The following NRIP3 variants were observed in gnomAD, a reference collection of about 807,000 sequenced individuals.
NRIP3 encodes nuclear receptor interacting protein 3.
NRIP3 carries 31 observed loss-of-function variants against 29.0 expected under a neutral mutation model. The ratio of observed to expected loss-of-function variants is 1.07; its 90% CI spans 0.80 to 1.44. The LOEUF is 1.44. Ranked by LOEUF, NRIP3 falls within the 40% of genes most tolerant of loss-of-function variation. The probability of loss-of-function intolerance (pLI) is 0.00; values close to 1 mark genes in which losing one functional copy is unlikely to be tolerated. For synonymous variants in NRIP3, 131 were observed against 118.3 expected (o/e 1.11, Z -0.70); for missense variants, 314 against 297.9 (o/e 1.05, Z -0.40).
At chr11:8,986,785 G>A (rs558095018) in intron 3 of NRIP3, among the ~76,000 whole-genome samples, 1 of 152,318 alleles carries the variant, frequency 6.6e-6, no homozygotes, top group Admixed American at 6.5e-5. Flanking sequence ...TTGGGAGGCT[G>A]AAGCGGGCAG....
intron 1 of NRIP3, among the ~76,000 whole-genome samples, chr11:8,997,404 A>G (rs950145984): frequency 1.3e-5 from 2 of 151,894 alleles, no homozygotes; most frequent in African/African-American, 4.8e-5. Context: ...ACACAGTACT[A>G]ATTTGCTAGA....
At chr11:8,990,853 ATC>A (rs1854587110) in intron 1 of NRIP3, among the ~76,000 whole-genome samples, 1 of 152,054 alleles carries the variant, frequency 6.6e-6, no homozygotes, top group African/African-American at 2.4e-5. Flanking sequence ...AACCTCCCCA[ATC>A]TCTCAAGCCC....
chr11:8,992,925 A>T (rs1393041682), intron 1 of NRIP3, among the ~76,000 whole-genome samples: 1 of 152,052 alleles, frequency 6.6e-6, no homozygotes, highest in Non-Finnish European at 1.5e-5. Flanking sequence ...AAAAAAAAAA[A>T]TTTGATAGTA....
chr11:8,995,669 A>G (rs750015959), intron 1 of NRIP3, among the ~76,000 whole-genome samples: 4 of 152,222 alleles, frequency 2.6e-5, no homozygotes, highest in Non-Finnish European at 5.9e-5. Context: ...CTTTGCATGG[A>G]AACCAGAGTA....
intron 3 of NRIP3, among the ~76,000 whole-genome samples, chr11:8,986,720 A>G (rs569763239): frequency 6.6e-6 from 1 of 152,284 alleles, no homozygotes; most frequent in African/African-American, 2.4e-5. Context: ...TCATATTTTT[A>G]CCACACAAAA....
rs1291300543 is a variant in NRIP3, at chr11:9,003,921, C to A, written c.15G>T (p.Gly5=). Residue 5 remains glycine, a synonymous_variant, in exon 1 of 7, where the codon GGG becomes GGT. Transcript: ENST00000309166. ...CCTTGCGGCCGCCCTCAGTGAGGAG[C>A]CCTGAGTAAAACATCGCTGAGGCGC... MFYS[G]LLTEGGRKET... is the part of the protein sequence containing the mutation. 2.0e-6 allele frequency: 3 copies of A among 1,508,204 alleles called. No homozygotes were observed. Among genetic ancestry groups the A allele is most frequent in the East Asian group, 2.9e-5 (1 of 35,038 alleles). 93.4% of individuals were successfully genotyped at this position (1,508,204 alleles called of 1,614,324 possible).
At chr11:8,999,453 T>C (rs1409626120) in intron 1 of NRIP3, among the ~76,000 whole-genome samples, 1 of 152,232 alleles carries the variant, frequency 6.6e-6, no homozygotes, top group African/African-American at 2.4e-5. Context: ...GAGTAGTCTT[T>C]TTGTAAAATA....
At chr11:8,999,873 C>G (rs534713417) in intron 1 of NRIP3, among the ~76,000 whole-genome samples, 4 of 152,334 alleles carry the variant, frequency 2.6e-5, no homozygotes, top group African/African-American at 9.6e-5. Flanking sequence ...GACTCCACCC[C>G]ACCCCAGTCA....
chr11:9,000,941 C>T (rs1854783000), intron 1 of NRIP3, among the ~76,000 whole-genome samples: 1 of 152,004 alleles, frequency 6.6e-6, no homozygotes, highest in Non-Finnish European at 1.5e-5. Context: ...TTGTGGTGTG[C>T]ACCTGTAATC....
rs1854421811 is a variant in NRIP3, at chr11:8,981,881, C to A, written c.*1664G>T. 6.6e-6 allele frequency: 1 copy of A among 152,152 alleles called. No homozygotes were observed. The highest frequency in any genetic ancestry group is 2.1e-4 in the South Asian group (1 of 4,824). 9.4% of individuals were successfully genotyped at this position (152,152 alleles called of 1,614,324 possible). A position where few individuals can be genotyped will look rare whatever the true frequency, so the allele number is the denominator to read the frequency against. ...ACTGCAGTATGGCTGCCTAGTTGTT[C>A]AAATGATAGTCACCAAGTTCCTAGG... On this transcript the variant is annotated 3_prime_UTR_variant, in exon 7 of 7. Coordinates refer to ENST00000309166, the MANE Select transcript of NRIP3 (RefSeq NM_020645.3).
intron 6 of NRIP3, 106 bp downstream of exon 6, chr11:8,983,769 G>A: frequency 9.6e-7 from 1 of 1,038,638 alleles, no homozygotes; most frequent in Non-Finnish European, 1.5e-6. Flanking sequence ...ATAATTGAAA[G>A]CCAAAGACAG....
chr11:9,003,652 G>C, intron 1 of NRIP3, 110 bp downstream of exon 1: 1 of 1,113,326 alleles, frequency 9.0e-7, no homozygotes, highest in Non-Finnish European at 1.2e-6. Context: ...GCGAGCCAAG[G>C]GCAGCGGCGG....
chr11:8,984,192 C>G, intron 4 of NRIP3, 68 bp from the exon 5 acceptor site: 4 of 941,412 alleles, frequency 4.2e-6, no homozygotes, highest in Non-Finnish European at 7.0e-6. Flanking sequence ...GGCCTAATCA[C>G]TATTAGGTTC....
At chr11:9,002,012 G>A (rs1854810396) in intron 1 of NRIP3, among the ~76,000 whole-genome samples, 2 of 152,210 alleles carry the variant, frequency 1.3e-5, no homozygotes, top group African/African-American at 4.8e-5. Flanking sequence ...TATGCTATCA[G>A]CCCTTTGTGA....
intron 1 of NRIP3, among the ~76,000 whole-genome samples, chr11:8,995,532 G>T (rs1854686483): frequency 6.6e-6 from 1 of 152,020 alleles, no homozygotes; most frequent in African/African-American, 2.4e-5. Flanking sequence ...AACACACCTG[G>T]AATTGATCTG....
At chr11:8,987,709 G>A in intron 2 of NRIP3, 79 bp from the exon 3 acceptor site, 1 of 1,090,210 alleles carries the variant, frequency 9.2e-7, no homozygotes, top group Non-Finnish European at 1.4e-6. Flanking sequence ...AGCAGCAGAT[G>A]TCATATGAAA....
intron 4 of NRIP3, among the ~76,000 whole-genome samples, chr11:8,984,855 T>G (rs1854484465): frequency 6.6e-6 from 1 of 152,074 alleles, no homozygotes; most frequent in African/African-American, 2.4e-5. Context: ...GCTCCTTTTT[T>G]TTTTCTTTCT....
rs544335525 is a variant in NRIP3, at chr11:8,990,851, C to T, written c.175-2569G>A. Among the ~76,000 whole-genome samples the T allele has an allele frequency of 1.1e-4, 16 of 152,164 alleles. No homozygotes were observed. In the East Asian group the frequency reaches 3.1e-3, roughly 29 times the overall value. ...ATAAAATTAAAAGCAAAAACCTCCC[C>T]AATCTCTCAAGCCCTTCTCAGTCCC... On this transcript the variant is annotated intron_variant, in intron 1 of 6. Coordinates refer to ENST00000309166, the MANE Select transcript of NRIP3 (RefSeq NM_020645.3).
rs1244377781 is a variant in NRIP3 at position 9,003,855 on chromosome 11, GCGCT to G, written c.77_80del (p.Gln26ProfsTer3). ...TGAACTGCACCGCCTGCTTCATCCG[GCGCT>G]GCTGTCGCAGTGACGCCGCCTCCCG... On this transcript the variant is annotated frameshift_variant, in exon 1 of 7. Coordinates refer to ENST00000309166, the MANE Select transcript of NRIP3 (RefSeq NM_020645.3). LOFTEE classifies it high-confidence loss of function. 3.9e-6 allele frequency: 6 copies of G among 1,521,842 alleles called. No homozygotes were observed. Among genetic ancestry groups the G allele is most frequent in the Non-Finnish European group, 4.4e-6 (5 of 1,136,182 alleles). 94.3% of individuals were successfully genotyped at this position (1,521,842 alleles called of 1,614,324 possible).
Sources: gnomAD v4.1 joint callset for allele counts (sites outside exome capture counted in the v4.1 genomes callset) on GRCh38, gnomAD v4.1.1 for gene constraint, MANE v1.5 for transcripts, NCBI Gene and HGNC (gene_info 2026-07-23, HGNC 2026-07-21) for gene names.